The following KANTR variants were observed in gnomAD, a reference collection of about 807,000 sequenced individuals.
The protein encoded by KANTR is KANTR integral membrane protein.
At chrX:53,136,938 C>T (rs1419875403) in intron 2 of KANTR, among the ~76,000 whole-genome samples, 1 of 103,447 alleles carries the variant, frequency 9.7e-6, no homozygotes, top group African/African-American at 3.5e-5. Context: ...AGACATCTCA[C>T]TATGTTGCCC....
chrX:53,099,037 A>G (rs1556811402), intron 1 of KANTR, among the ~76,000 whole-genome samples: 1 of 108,138 alleles, frequency 9.2e-6, no homozygotes, highest in African/African-American at 3.4e-5. Flanking sequence ...TTTTTTTTTT[A>G]ATTTTTGTGG....
chrX:53,144,048 T>C (rs1327884873), downstream of KANTR: 1 of 196,731 alleles, frequency 5.1e-6, no homozygotes, highest in Non-Finnish European at 9.4e-6. Flanking sequence ...AAATTTATTC[T>C]TAATTATTTT....
At chrX:53,114,704 A>G (rs1356933007) in intron 2 of KANTR, among the ~76,000 whole-genome samples, 1 of 108,953 alleles carries the variant, frequency 9.2e-6, no homozygotes, top group African/African-American at 3.4e-5. Context: ...GCGGGAGCCA[A>G]CTTCATGTCT....
chrX:53,145,123 G>T (rs782753125), downstream of KANTR, among the ~76,000 whole-genome samples: 1 of 111,627 alleles, frequency 9.0e-6, no homozygotes, highest in African/African-American at 3.3e-5. Context: ...GAGGTACCAG[G>T]TTCATCTCAC....
downstream of KANTR, chrX:53,142,953 G>T: frequency 1.1e-6 from 1 of 872,571 alleles, no homozygotes; most frequent in Non-Finnish European, 1.7e-6. Context: ...CTGGGGGCAT[G>T]ATGAACTTGA....
At chrX:53,118,029 C>A (rs917826226) in intron 2 of KANTR, among the ~76,000 whole-genome samples, 2 of 111,924 alleles carry the variant, frequency 1.8e-5, no homozygotes, top group South Asian at 3.8e-4. Flanking sequence ...CTTGGGTGAC[C>A]ATAAGACAAA....
At chrX:53,141,588 C>CT (rs1556818455) in intron 2 of KANTR, among the ~76,000 whole-genome samples, 1 of 110,242 alleles carries the variant, frequency 9.1e-6, no homozygotes. Context: ...CTCCCTTCCT[C>CT]TTTCCTTTTT....
chrX:53,136,837 A>G (rs1489399603), intron 2 of KANTR, among the ~76,000 whole-genome samples: 1 of 91,288 alleles, frequency 1.1e-5, no homozygotes, highest in Non-Finnish European at 2.2e-5. Flanking sequence ...TCCCTCTCCT[A>G]GGTTCAAACA....
chrX:53,113,672 T>C (rs1556814146), intron 2 of KANTR, among the ~76,000 whole-genome samples: 2 of 99,187 alleles, frequency 2.0e-5, no homozygotes, highest in African/African-American at 7.5e-5. Context: ...CTCTGGCTCC[T>C]GGGTTGAAGC....
intron 2 of KANTR, among the ~76,000 whole-genome samples, chrX:53,104,756 A>G (rs1556812428): frequency 8.9e-6 from 1 of 111,931 alleles, no homozygotes; most frequent in Non-Finnish European, 1.9e-5. Flanking sequence ...TTGTCAAATA[A>G]TATTCTGTCA....
At chrX:53,131,143 CA>C (rs1268544281), downstream of KANTR, among the ~76,000 whole-genome samples, 1 of 110,087 alleles carries the variant, frequency 9.1e-6, no homozygotes, top group African/African-American at 3.3e-5. Flanking sequence ...ATTGACCACA[CA>C]AAAAAAATGC....
At chrX:53,102,762 A>G (rs1199188521) in intron 2 of KANTR, among the ~76,000 whole-genome samples, 1 of 111,389 alleles carries the variant, frequency 9.0e-6, no homozygotes, top group Admixed American at 9.6e-5. Flanking sequence ...ACATACACCC[A>G]TATCTGCCCA....
downstream of KANTR, chrX:53,142,745 A>G (rs1171634105): frequency 2.9e-5 from 13 of 440,790 alleles, no homozygotes; most frequent in Middle Eastern, 7.0e-4. Flanking sequence ...CAGTCCATTT[A>G]GAGGCATTTG....
chrX:53,130,165 C>G (rs1933343966), downstream of KANTR, among the ~76,000 whole-genome samples: 1 of 112,202 alleles, frequency 8.9e-6, no homozygotes, highest in Admixed American at 9.5e-5. Flanking sequence ...CCGCGCCTGA[C>G]CCTACATAAT....
rs782757180 is a variant in KANTR, at chrX:53,117,187, T to C, written c.-804-6282T>C. On this transcript the variant is annotated intron_variant, in intron 2 of 2. Coordinates refer to ENST00000604062, the Ensembl canonical transcript of KANTR. ...ATCCCAGCTACTTGGAAGGCTGAGG[T>C]AGGAGAATCGCTTGAACCCAAGAGG... is the stretch of plus-strand genomic sequence containing the variant. 1.8e-3 allele frequency among the ~76,000 whole-genome samples: 124 copies of C among 68,362 alleles called. 1 individual carries two copies. Among genetic ancestry groups the C allele is most frequent in the African/African-American group, 5.4e-3 (117 of 21,845 alleles). 59.4% of individuals were successfully genotyped at this position (68,362 alleles called of 115,157 possible). A position where few individuals can be genotyped will look rare whatever the true frequency, so the allele number is the denominator to read the frequency against.
downstream of KANTR, among the ~76,000 whole-genome samples, chrX:53,146,393 G>T (rs782668376): frequency 1.1e-4 from 12 of 112,076 alleles, no homozygotes; most frequent in East Asian, 3.1e-3. Flanking sequence ...AAGGGTATCA[G>T]TGATGGAAGA....
chrX:53,143,114 T>C (rs1602130339), downstream of KANTR: 2 of 1,156,707 alleles, frequency 1.7e-6, no homozygotes, highest in East Asian at 3.0e-5. Flanking sequence ...CAGGATTCCA[T>C]GCCCAAGAAG....
At chrX:53,097,510 G>A (rs1393841759) in intron 1 of KANTR, among the ~76,000 whole-genome samples, 4 of 104,165 alleles carry the variant, frequency 3.8e-5, no homozygotes, top group East Asian at 3.2e-4. Context: ...GCACCACCAC[G>A]CCTGGCTAAT....
chrX:53,120,209 A>AT (rs1407722173), intron 2 of KANTR, among the ~76,000 whole-genome samples: 3 of 109,655 alleles, frequency 2.7e-5, no homozygotes, highest in Non-Finnish European at 5.7e-5. Context: ...TAATGTTGGT[A>AT]TTTTTTTGTA....
Sources: gnomAD v4.1 joint callset for allele counts (sites outside exome capture counted in the v4.1 genomes callset) on GRCh38, gnomAD v4.1.1 for gene constraint, MANE v1.5 for transcripts, NCBI Gene and HGNC (gene_info 2026-07-23, HGNC 2026-07-21) for gene names.